RBFOX1: variants seen among roughly 807,000 people sequenced by gnomAD.
RBFOX1 encodes the protein RNA binding fox-1 homolog 1.
In RBFOX1, 8 loss-of-function variants were observed where a neutral mutation model predicts 57.7. That is an observed-to-expected ratio of 0.14 (90% CI 0.08 to 0.25). The LOEUF is 0.25. RBFOX1 is among the 10% of genes least tolerant of loss of function. RBFOX1 has a pLI of 1.00. For synonymous variants in RBFOX1, 326 were observed against 222.4 expected (o/e 1.47, Z -4.15); for missense variants, 611 against 548.5 (o/e 1.11, Z -1.14).
intron 1 of RBFOX1, among the ~76,000 whole-genome samples, chr16:6,308,441 C>G (rs1454123832): frequency 1.3e-5 from 2 of 152,196 alleles, no homozygotes; most frequent in South Asian, 2.1e-4. Flanking sequence ...ATGCACATGA[C>G]TGCATCTGAG....
intron 3 of RBFOX1, among the ~76,000 whole-genome samples, chr16:6,686,622 C>T (rs1475554817): frequency 2.0e-5 from 3 of 152,254 alleles, no homozygotes; most frequent in East Asian, 3.9e-4. Context: ...ATAGAGCTTC[C>T]CCCGAAAGCA....
chr16:5,249,357 C>A (rs116323483), intron 1 of RBFOX1, among the ~76,000 whole-genome samples: 2 of 152,170 alleles, frequency 1.3e-5, no homozygotes, highest in Non-Finnish European at 2.9e-5. Context: ...CCTGGAGGGG[C>A]CTGGCCGGGG....
chr16:5,434,286 C>T (rs115410949), intron 1 of RBFOX1, among the ~76,000 whole-genome samples: 85 of 147,062 alleles, frequency 5.8e-4, no homozygotes, highest in African/African-American at 6.2e-4. Context: ...CCCAGACACA[C>T]GCATCAGAGG....
chr16:5,367,744 A>T (rs568595641), intron 1 of RBFOX1, among the ~76,000 whole-genome samples: 1 of 152,340 alleles, frequency 6.6e-6, no homozygotes, highest in African/African-American at 2.4e-5. Flanking sequence ...CTTGAGATTG[A>T]AAATGAGACA....
chr16:6,871,828 G>A (rs914357211), intron 3 of RBFOX1, among the ~76,000 whole-genome samples: 2 of 152,078 alleles, frequency 1.3e-5, no homozygotes, highest in South Asian at 2.1e-4. Context: ...TCAAAGTGCA[G>A]TTGCTGCTTA....
At chr16:7,493,438 C>T (rs573784632) in intron 4 of RBFOX1, among the ~76,000 whole-genome samples, 23 of 152,258 alleles carry the variant, frequency 1.5e-4, no homozygotes, top group African/African-American at 5.5e-4. Context: ...GCGAGTGTTA[C>T]TGTATATGGA....
chr16:6,585,917 A>G (rs530525370), intron 2 of RBFOX1, among the ~76,000 whole-genome samples: 1 of 152,336 alleles, frequency 6.6e-6, no homozygotes, highest in East Asian at 1.9e-4. Context: ...ATCATACGCA[A>G]TTATTTCTGT....
At chr16:6,623,619 G>T (rs571182805) in intron 2 of RBFOX1, among the ~76,000 whole-genome samples, 19 of 150,584 alleles carry the variant, frequency 1.3e-4, no homozygotes, top group African/African-American at 4.6e-4. Flanking sequence ...AACAGGCCCC[G>T]GTGTCTAATG....
chr16:7,504,709 T>TTATA (rs1181491515), intron 4 of RBFOX1, among the ~76,000 whole-genome samples: 13 of 74,522 alleles, frequency 1.7e-4, no homozygotes, highest in African/African-American at 5.5e-4. Flanking sequence ...TGAAGTGAGA[T>TTATA]TATATATATA....
chr16:6,112,764 T>C (rs777703559), intron 1 of RBFOX1, among the ~76,000 whole-genome samples: 41 of 152,130 alleles, frequency 2.7e-4, no homozygotes, highest in Non-Finnish European at 4.7e-4. Flanking sequence ...GAGTTTGATA[T>C]AAAGAAGGGA....
intron 4 of RBFOX1, among the ~76,000 whole-genome samples, chr16:7,343,257 CG>C (rs796556191): frequency 7.9e-5 from 12 of 152,254 alleles, no homozygotes; most frequent in African/African-American, 2.9e-4. Flanking sequence ...GGAAGCCTTT[CG>C]GGGGGAAATT....
intron 4 of RBFOX1, among the ~76,000 whole-genome samples, chr16:7,418,412 A>T (rs2098505456): frequency 1.3e-5 from 2 of 152,096 alleles, no homozygotes; most frequent in Admixed American, 1.3e-4. Flanking sequence ...TGTCCAGGAG[A>T]CTTTTCATTA....
In RBFOX1 at chr16:5,588,564, G is replaced by T. The variant is rs181963805; in HGVS notation, c.259-10338G>T. On this transcript the variant is annotated intron_variant, in intron 2 of 2. Transcript: ENST00000585867. ...GGCATCAGTGTTGACTTTGTCTGACGTGGGCTGTTTTGTGTCTCTATGACC... is the reference window on the plus strand; with the variant it reads ...GGCATCAGTGTTGACTTTGTCTGACTTGGGCTGTTTTGTGTCTCTATGACC... 2.7e-3 allele frequency among the ~76,000 whole-genome samples: 408 copies of T among 152,232 alleles called. 5 individuals carry two copies. Among genetic ancestry groups the T allele is most frequent in the Admixed American group, 3.4e-3 (52 of 15,292 alleles).
At chr16:6,928,910 G>A (rs1346632304) in intron 3 of RBFOX1, among the ~76,000 whole-genome samples, 1 of 152,118 alleles carries the variant, frequency 6.6e-6, no homozygotes, top group African/African-American at 2.4e-5. Flanking sequence ...TAGAGCATCA[G>A]TTGTCAGATA....
At chr16:5,421,856 C>G (rs914165985) in intron 1 of RBFOX1, among the ~76,000 whole-genome samples, 5 of 152,170 alleles carry the variant, frequency 3.3e-5, no homozygotes, top group Middle Eastern at 3.4e-3. Flanking sequence ...CAGACGGCAC[C>G]GGCACACGTG....
intron 11 of RBFOX1, among the ~76,000 whole-genome samples, chr16:7,637,106 A>ATTTC (rs2061890506): frequency 1.3e-5 from 2 of 152,128 alleles, no homozygotes; most frequent in African/African-American, 4.8e-5. Context: ...TCTGGAAGAA[A>ATTTC]TTTCTTTATT....
chr16:6,547,578 AC>A (rs2096913767), intron 2 of RBFOX1, among the ~76,000 whole-genome samples: 1 of 152,188 alleles, frequency 6.6e-6, no homozygotes, highest in Non-Finnish European at 1.5e-5. Flanking sequence ...GCAGAATAAC[AC>A]CTTTTTTCTC....
Position 7,093,130 on chromosome 16 carries a change from C to T in RBFOX1, c.27+41032C>T, listed in dbSNP as rs550200729. 9.1e-4 allele frequency among the ~76,000 whole-genome samples: 138 copies of T among 152,308 alleles called. 1 individual carries two copies. Among genetic ancestry groups the T allele is most frequent in the Middle Eastern group, 3.4e-3 (1 of 294 alleles). On this transcript the variant is annotated intron_variant, in intron 4 of 15. Coordinates refer to ENST00000550418, the MANE Select transcript of RBFOX1 (RefSeq NM_018723.4). ...GAATACAAAGATGACTTCTTTTACC[C>T]CAGTGAATTCTGATTCAGAAATTCG...
chr16:5,466,506 G>A (rs1304940404), intron 1 of RBFOX1, among the ~76,000 whole-genome samples: 1 of 152,188 alleles, frequency 6.6e-6, no homozygotes, highest in African/African-American at 2.4e-5. Flanking sequence ...CACAGAGTGA[G>A]GTCTTCCTCA....
Sources: allele counts gnomAD v4.1 joint callset (sites outside exome capture counted in the v4.1 genomes callset), GRCh38; gene constraint gnomAD v4.1.1; transcripts MANE v1.5; gene names NCBI Gene and HGNC (gene_info 2026-07-23, HGNC 2026-07-21).